KYNU: variants seen among roughly 807,000 people sequenced by gnomAD.
KYNU encodes L-kynurenine hydrolase.
Under a neutral mutation model 59.2 loss-of-function variants are expected in KYNU, and 54 were observed. The observed-to-expected ratio is 0.91, with a 90% CI of 0.73 to 1.14. The LOEUF (loss-of-function observed/expected upper bound fraction) is 1.14. KYNU is among the 50% of genes most tolerant of loss of function. The probability of loss-of-function intolerance (pLI) is 0.00; values close to 1 mark genes in which losing one functional copy is unlikely to be tolerated. For synonymous variants in KYNU, 177 were observed against 192.0 expected (o/e 0.92, Z 0.65); for missense variants, 567 against 554.4 (o/e 1.02, Z -0.23).
chr2:143,028,181 TAC>T lies in KYNU; in HGVS notation c.903-1439_903-1438del, dbSNP rs200985467. Reference sequence around the variant, plus strand: ...TTTATAGTCTTTTTCATGTAATATATACACACACGTATGTGATTTTCCCTATA... The same window carrying T: ...TTTATAGTCTTTTTCATGTAATATATACACACGTATGTGATTTTCCCTATA... On this transcript the variant is annotated intron_variant, in intron 10 of 13. Transcript: ENST00000264170. 3.4e-3 allele frequency among the ~76,000 whole-genome samples: 513 copies of T among 151,408 alleles called. 7 individuals carry two copies. Among genetic ancestry groups the T allele is most frequent in the African/African-American group, 0.012 (494 of 41,384 alleles).
In KYNU at chr2:142,885,271, A is replaced by G. The variant is rs1314059845; in HGVS notation, c.-19-78A>G. On this transcript the variant is annotated intron_variant, in intron 1 of 13. Transcript: ENST00000264170. ...GGAAAAGGGAGTCTTAGTGAAAACAAAAGGTGTATTACCTAAAGGGCTCAT... is the reference window on the plus strand; with the variant it reads ...GGAAAAGGGAGTCTTAGTGAAAACAGAAGGTGTATTACCTAAAGGGCTCAT... 1.0e-5 allele frequency: 12 copies of G among 1,156,222 alleles called. No individual in the cohort carries two copies. The East Asian group carries it at 2.0e-4, about 19-fold the overall frequency. The allele number at this position is 1,156,222 out of a possible 1,614,324, so 71.6% of individuals were successfully genotyped here.
intron 10 of KYNU, among the ~76,000 whole-genome samples, chr2:143,008,910 T>A: frequency 9.2e-5 from 3 of 32,730 alleles, no homozygotes; most frequent in Non-Finnish European, 1.6e-4. Context: ...TTCAAAGCAG[T>A]GTGTAGAGGG....
At chr2:143,031,275 C>A (rs969821848) in intron 11 of KYNU, among the ~76,000 whole-genome samples, 3 of 152,020 alleles carry the variant, frequency 2.0e-5, no homozygotes, top group Non-Finnish European at 4.4e-5. Context: ...TCAGGGGTAG[C>A]AAACTTTTTC....
Position 142,967,859 on chromosome 2 carries a change from C to A in KYNU, c.729+7089C>A, listed in dbSNP as rs980100505. Among the ~76,000 whole-genome samples the A allele has an allele frequency of 2.6e-5, 4 of 151,868 alleles. No individual in the cohort carries two copies. In the South Asian group the frequency reaches 8.3e-4, roughly 32 times the overall value. On this transcript the variant is annotated intron_variant, in intron 8 of 13. Coordinates refer to ENST00000264170, the MANE Select transcript of KYNU (RefSeq NM_003937.3). Reference sequence around the variant, plus strand: ...TATCTCTATTACAGTAGAATGATATCAATAATACATGGGATATCAGAACTT... The same window carrying A: ...TATCTCTATTACAGTAGAATGATATAAATAATACATGGGATATCAGAACTT...
chr2:142,993,006 G>A (rs995616062), intron 10 of KYNU, among the ~76,000 whole-genome samples: 2 of 151,998 alleles, frequency 1.3e-5, no homozygotes, highest in Non-Finnish European at 2.9e-5. Flanking sequence ...GGCAGCGGAG[G>A]TATAGCAGAC....
intron 10 of KYNU, among the ~76,000 whole-genome samples, chr2:143,005,015 TA>T (rs1487103495): frequency 2.6e-5 from 4 of 152,176 alleles, no homozygotes; most frequent in African/African-American, 9.7e-5. Context: ...CCAACAAAAA[TA>T]TCTTGCCCTA....
At chr2:143,013,886 A>T (rs984232796) in intron 10 of KYNU, among the ~76,000 whole-genome samples, 2 of 152,188 alleles carry the variant, frequency 1.3e-5, no homozygotes, top group Admixed American at 6.5e-5. Context: ...AACTGCTCTC[A>T]TTACCATTAC....
intron 10 of KYNU, among the ~76,000 whole-genome samples, chr2:143,025,899 A>C (rs1045782820): frequency 6.6e-6 from 1 of 152,198 alleles, no homozygotes; most frequent in African/African-American, 2.4e-5. Context: ...TGATATTTTT[A>C]AGTGATGGAT....
chr2:143,006,056 A>C (rs955087701), intron 10 of KYNU, among the ~76,000 whole-genome samples: 9 of 152,318 alleles, frequency 5.9e-5, no homozygotes, highest in Middle Eastern at 3.4e-3. Context: ...GGAGGAGCCA[A>C]GATGGCCGAA....
At chr2:142,919,056 GA>G (rs553013679) in intron 3 of KYNU, among the ~76,000 whole-genome samples, 1 of 152,120 alleles carries the variant, frequency 6.6e-6, no homozygotes, top group African/African-American at 2.4e-5. Context: ...ATAGTGACGA[GA>G]AAAAAAGTCT....
At position 143,055,816 on chromosome 2, in the gene KYNU, A is replaced by G. The variant is rs886904247; in HGVS notation, c.*13644A>G. 6.6e-6 allele frequency: 1 copy of G among 152,210 alleles called. No individual in the cohort carries two copies. The highest frequency in any genetic ancestry group is 2.4e-5 in the African/African-American group (1 of 41,454). The allele number at this position is 152,210 out of a possible 1,614,324, so 9.4% of individuals were successfully genotyped here. ...TTTTGTTAATGTTGGAAAATTTAATAAAAACAATGAACAGTGATGACTTCG... is the reference window on the plus strand; with the variant it reads ...TTTTGTTAATGTTGGAAAATTTAATGAAAACAATGAACAGTGATGACTTCG... On this transcript the variant is annotated 3_prime_UTR_variant, in exon 14 of 14. Coordinates refer to ENST00000264170, the MANE Select transcript of KYNU (RefSeq NM_003937.3).
chr2:142,954,926 T>C, intron 5 of KYNU, 55 bp downstream of exon 5: 1 of 1,093,662 alleles, frequency 9.1e-7, no homozygotes, highest in Non-Finnish European at 1.4e-6. Flanking sequence ...GAATCTGATG[T>C]TTTTCTATCT....
chr2:143,002,062 G>A (rs1483507394), intron 10 of KYNU, among the ~76,000 whole-genome samples: 2 of 152,128 alleles, frequency 1.3e-5, no homozygotes, highest in Non-Finnish European at 2.9e-5. Context: ...TAATGGGGAT[G>A]GGGAAAGACA....
intron 3 of KYNU, among the ~76,000 whole-genome samples, chr2:142,924,845 A>C (rs1345516574): frequency 7.2e-5 from 11 of 152,178 alleles, no homozygotes; most frequent in African/African-American, 2.7e-4. Context: ...TTTAATCTAC[A>C]TCAACTCTTT....
Position 143,053,132 on chromosome 2 carries a change from T to A in KYNU, c.*10960T>A, listed in dbSNP as rs1687294578. 1 of 152,288 alleles carries A rather than the reference T, an allele frequency of 6.6e-6. No homozygotes were observed. Among genetic ancestry groups the A allele is most frequent in the Admixed American group, 6.5e-5 (1 of 15,292 alleles). 9.4% of individuals were successfully genotyped at this position (152,288 alleles called of 1,614,324 possible). ...CATGGGGCCTGTAGCCCCTTCGTTTTGGCCAATGCCTCCCATTTGGAGTGG... is the reference window on the plus strand; with the variant it reads ...CATGGGGCCTGTAGCCCCTTCGTTTAGGCCAATGCCTCCCATTTGGAGTGG... On this transcript the variant is annotated 3_prime_UTR_variant, in exon 14 of 14. Coordinates refer to ENST00000264170, the MANE Select transcript of KYNU (RefSeq NM_003937.3).
intron 13 of KYNU, among the ~76,000 whole-genome samples, chr2:143,041,603 A>T (rs1049647103): frequency 4.6e-5 from 7 of 152,000 alleles, no homozygotes; most frequent in African/African-American, 1.7e-4. Context: ...AGGACCTACA[A>T]TGTAGCCCAC....
At position 143,011,022 on chromosome 2, in the gene KYNU, A is replaced by G. The variant is rs1445108318; in HGVS notation, c.903-18605A>G. Among the ~76,000 whole-genome samples, 3 of 145,272 alleles carry G rather than the reference A, an allele frequency of 2.1e-5. 1 individual carries two copies. The highest frequency in any genetic ancestry group is 7.7e-5 in the African/African-American group (3 of 38,724). ...CATGGGCAAGGACTTCATGTGCAAA[A>G]CACCAAAAGCAATGGCAACCAAAGC... On this transcript the variant is annotated intron_variant, in intron 10 of 13. Transcript: ENST00000264170.
At chr2:142,913,081 CCT>C (rs1347653424) in intron 2 of KYNU, among the ~76,000 whole-genome samples, 1 of 152,008 alleles carries the variant, frequency 6.6e-6, no homozygotes, top group Admixed American at 6.6e-5. Flanking sequence ...ATATTTGAAT[CCT>C]CTGTTTTTTT....
intron 10 of KYNU, among the ~76,000 whole-genome samples, chr2:143,006,322 C>T (rs1031500512): frequency 6.6e-6 from 1 of 151,762 alleles, no homozygotes; most frequent in African/African-American, 2.4e-5. Context: ...CGGGTCACTC[C>T]CACCCGAATA....
Sources: gnomAD v4.1 joint callset for allele counts (sites outside exome capture counted in the v4.1 genomes callset) on GRCh38, gnomAD v4.1.1 for gene constraint, MANE v1.5 for transcripts, NCBI Gene and HGNC (gene_info 2026-07-23, HGNC 2026-07-21) for gene names.